RALGAPA2: variants seen among roughly 807,000 people sequenced by gnomAD.
RALGAPA2 encodes the protein ral GTPase-activating protein subunit alpha-2.
A neutral mutation model predicts 230.4 loss-of-function variants in RALGAPA2; 139 were observed. The observed-to-expected ratio is 0.60, with a 90% confidence interval of 0.53 to 0.69. RALGAPA2 has a LOEUF of 0.69. Ranked by LOEUF, RALGAPA2 falls within the 30% of genes least tolerant of loss-of-function variation. The pLI, the probability that RALGAPA2 is intolerant of heterozygous loss-of-function variation, is 0.00. For synonymous variants in RALGAPA2, 847 were observed against 837.8 expected, an observed-to-expected ratio of 1.01 and a Z score of -0.19; for missense variants, 2,163 against 2,276.0, an observed-to-expected ratio of 0.95 and a Z score of 1.01.
intron 20 of RALGAPA2, among the ~76,000 whole-genome samples, chr20:20,573,456 T>C (rs1008165439): frequency 6.6e-6 from 1 of 152,052 alleles, no homozygotes; most frequent in African/African-American, 2.4e-5. Context: ...TTCATGGGGG[T>C]GAAATGTGCA....
chr20:20,512,268 C>CACACACACACACACAA (rs2062734961), intron 32 of RALGAPA2, among the ~76,000 whole-genome samples: 1 of 150,498 alleles, frequency 6.6e-6, no homozygotes, highest in African/African-American at 2.4e-5. Flanking sequence ...CACACACACA[C>CACACACACACACACAA]AAATGTTTGA....
At chr20:20,461,756 T>A (rs1461462034) in intron 37 of RALGAPA2, among the ~76,000 whole-genome samples, 2 of 152,226 alleles carry the variant, frequency 1.3e-5, no homozygotes, top group South Asian at 4.1e-4. Flanking sequence ...CAGAATCCCA[T>A]CAGCCAGCAA....
At position 20,640,618 on chromosome 20, in the gene RALGAPA2, A is replaced by G. The variant is rs376311779; in HGVS notation, c.550+83T>C. 7 of 1,349,006 alleles carry G rather than the reference A, an allele frequency of 5.2e-6. No individual in the cohort carries two copies. In the East Asian group the frequency reaches 9.3e-5, roughly 18 times the overall value. The allele number at this position is 1,349,006 out of a possible 1,614,324, so 83.6% of individuals were successfully genotyped here. A position where few individuals can be genotyped will look rare whatever the true frequency, so the allele number is the denominator to read the frequency against. On this transcript the variant is annotated intron_variant, in intron 6 of 39. Transcript: ENST00000202677. ...CTCTTCAGACTCCATCAGGATTTCT[A>G]TTCAAGAAAATGAAAAAGTAAGAAT...
At chr20:20,466,851 C>T (rs981957506) in intron 37 of RALGAPA2, among the ~76,000 whole-genome samples, 1 of 152,236 alleles carries the variant, frequency 6.6e-6, no homozygotes, top group African/African-American at 2.4e-5. Context: ...AAGCCCAGTA[C>T]ATAACGTTAC....
At position 20,538,156 on chromosome 20, in the gene RALGAPA2, A is replaced by T. The variant is rs1266718661; in HGVS notation, c.3286-1372T>A. ...CTGCTAGGAGAGCAACATACTGAGG[A>T]TAGCATGGGAGCCCAGTCCTTCATT... On this transcript the variant is annotated intron_variant, in intron 24 of 39. Coordinates refer to ENST00000202677, the MANE Select transcript of RALGAPA2 (RefSeq NM_020343.4). 2.6e-5 allele frequency among the ~76,000 whole-genome samples: 4 copies of T among 152,364 alleles called. 1 individual carries two copies. In the East Asian group the frequency reaches 7.7e-4, roughly 29 times the overall value.
chr20:20,423,842 A>T (rs1287047791), intron 37 of RALGAPA2, among the ~76,000 whole-genome samples: 1 of 152,220 alleles, frequency 6.6e-6, no homozygotes, highest in Non-Finnish European at 1.5e-5. Context: ...AAACACATGG[A>T]GGTATAAGAT....
chr20:20,681,436 C>T (rs1464546007), intron 1 of RALGAPA2, among the ~76,000 whole-genome samples: 2 of 152,122 alleles, frequency 1.3e-5, no homozygotes, highest in Non-Finnish European at 2.9e-5. Flanking sequence ...CCACAGACTG[C>T]GGATAGATAG....
At position 20,676,201 on chromosome 20, in the gene RALGAPA2, A is replaced by G. The variant is rs528484602; in HGVS notation, c.270+35T>C. 117 of 1,371,484 alleles carry G rather than the reference A, an allele frequency of 8.5e-5. No individual in the cohort carries two copies. In the Admixed American group the frequency reaches 2.0e-3, roughly 24 times the overall value. 85.0% of individuals were successfully genotyped at this position (1,371,484 alleles called of 1,614,324 possible). On this transcript the variant is annotated intron_variant, in intron 3 of 39. Transcript: ENST00000202677. The stretch of plus-strand genomic sequence containing the variant: ...TCAAAAATACTTTATTTCCAACAAG[A>G]ATTATAAAAGCTAAATAAACTCATC...
At chr20:20,677,089 CTA>C (rs1266253807) in intron 2 of RALGAPA2, among the ~76,000 whole-genome samples, 1 of 152,116 alleles carries the variant, frequency 6.6e-6, no homozygotes, top group Non-Finnish European at 1.5e-5. Context: ...TACAGAATGT[CTA>C]TATGCCAGGG....
intron 2 of RALGAPA2, among the ~76,000 whole-genome samples, chr20:20,677,305 G>A (rs1461092107): frequency 6.6e-6 from 1 of 152,164 alleles, no homozygotes; most frequent in Non-Finnish European, 1.5e-5. Context: ...TAACATCTGA[G>A]AAAAGATCCT....
In RALGAPA2 at chr20:20,531,680, G is replaced by A; in HGVS notation, c.3582+7C>T. 2 of 1,585,408 alleles carry A rather than the reference G, an allele frequency of 1.3e-6. No individual in the cohort carries two copies. The highest frequency in any genetic ancestry group is 1.7e-6 in the Non-Finnish European group (2 of 1,160,534). Reference sequence around the variant, plus strand: ...AATATCCAATCAGCACCACAAACTGGTAATACCTTCAGAGTTACTCCTATC... The same window carrying A: ...AATATCCAATCAGCACCACAAACTGATAATACCTTCAGAGTTACTCCTATC... On this transcript the variant is annotated splice_region_variant and intron_variant, in intron 27 of 39. Coordinates refer to ENST00000202677, the MANE Select transcript of RALGAPA2 (RefSeq NM_020343.4).
At chr20:20,710,314 CT>C (rs1263221046) in intron 1 of RALGAPA2, among the ~76,000 whole-genome samples, 7 of 151,926 alleles carry the variant, frequency 4.6e-5, no homozygotes, top group Admixed American at 4.6e-4. Context: ...TTCAAGAGGC[CT>C]TTGTTTTCTA....
At chr20:20,479,424 C>CA (rs1234766397) in intron 36 of RALGAPA2, among the ~76,000 whole-genome samples, 1 of 152,044 alleles carries the variant, frequency 6.6e-6, no homozygotes, top group Non-Finnish European at 1.5e-5. Context: ...CCATAATGTG[C>CA]AAAAATAACA....
At position 20,589,191 on chromosome 20, in the gene RALGAPA2, AC is replaced by A; in HGVS notation, c.2439+76del. 4 of 1,426,702 alleles carry A rather than the reference AC, an allele frequency of 2.8e-6. No homozygotes were observed. In the South Asian group the frequency reaches 6.5e-5, roughly 23 times the overall value. 88.4% of individuals were successfully genotyped at this position (1,426,702 alleles called of 1,614,324 possible). ...AAAAAATATTTTAATTATCACTGCC[AC>A]CAATAAATTTACTTACTGAGCACTA... On this transcript the variant is annotated intron_variant, in intron 18 of 39. Coordinates refer to ENST00000202677, the MANE Select transcript of RALGAPA2 (RefSeq NM_020343.4).
intron 16 of RALGAPA2, among the ~76,000 whole-genome samples, chr20:20,596,792 C>T (rs988305755): frequency 6.6e-6 from 1 of 152,226 alleles, no homozygotes; most frequent in Non-Finnish European, 1.5e-5. Context: ...TTCTCAGCCT[C>T]GGCACAGCTG....
At chr20:20,653,668 G>A (rs889523535) in intron 3 of RALGAPA2, 81 bp from the exon 4 acceptor site, 2 of 793,810 alleles carry the variant, frequency 2.5e-6, no homozygotes, top group Non-Finnish European at 4.1e-6. Context: ...CTCACTGTAG[G>A]TAAGTTCTAG....
chr20:20,646,806 A>T (rs572048299), intron 4 of RALGAPA2, among the ~76,000 whole-genome samples: 1 of 152,336 alleles, frequency 6.6e-6, no homozygotes, highest in African/African-American at 2.4e-5. Context: ...GAACAATATT[A>T]AATTTTTAAT....
At chr20:20,665,206 C>T (rs1277099007) in intron 3 of RALGAPA2, among the ~76,000 whole-genome samples, 1 of 152,222 alleles carries the variant, frequency 6.6e-6, no homozygotes, top group African/African-American at 2.4e-5. Context: ...GCTCAGGTTT[C>T]AGTGTGAATT....
At chr20:20,611,714 G>A (rs1034786548) in intron 13 of RALGAPA2, among the ~76,000 whole-genome samples, 5 of 152,130 alleles carry the variant, frequency 3.3e-5, no homozygotes, top group African/African-American at 7.2e-5. Flanking sequence ...AGGCAAGATC[G>A]TCTTCTCCAA....
Sources: allele counts gnomAD v4.1 joint callset (sites outside exome capture counted in the v4.1 genomes callset), GRCh38; gene constraint gnomAD v4.1.1; transcripts MANE v1.5; gene names NCBI Gene and HGNC (gene_info 2026-07-23, HGNC 2026-07-21).